Variants in LHFPL3 observed in about 807,000 individuals in gnomAD.
LHFPL3 encodes the protein LHFPL tetraspan subfamily member 3, also known as LHFPL tetraspan subfamily member 3 protein.
A neutral mutation model predicts 19.3 loss-of-function variants in LHFPL3; 5 were observed. The observed-to-expected ratio is 0.26, with a 90% CI of 0.14 to 0.54. LHFPL3 has a LOEUF of 0.54. LHFPL3 is among the 20% of genes least tolerant of loss of function. The probability of loss-of-function intolerance (pLI) is 0.94; values close to 1 mark genes in which losing one functional copy is unlikely to be tolerated. For synonymous variants in LHFPL3, 133 were observed against 126.2 expected (o/e 1.05, Z -0.36); for missense variants, 249 against 307.4 (o/e 0.81, Z 1.42).
chr7:104,759,121 GA>G (rs1274104738), intron 2 of LHFPL3, among the ~76,000 whole-genome samples: 2 of 152,186 alleles, frequency 1.3e-5, no homozygotes, highest in African/African-American at 4.8e-5. Flanking sequence ...GAGAAGATAA[GA>G]GTGGGCTGAT....
chr7:104,335,456 T>A (rs1023340548), intron 1 of LHFPL3, among the ~76,000 whole-genome samples: 1 of 152,222 alleles, frequency 6.6e-6, no homozygotes, highest in Non-Finnish European at 1.5e-5. Context: ...ATATGTAATG[T>A]GACAAGAAAT....
At chr7:104,614,100 G>A (rs980316762) in intron 1 of LHFPL3, among the ~76,000 whole-genome samples, 14 of 152,138 alleles carry the variant, frequency 9.2e-5, no homozygotes, top group African/African-American at 3.1e-4. Context: ...TTTCAAAAAG[G>A]CAGAGAATGT....
chr7:104,806,340 T>C (rs1034154794), intron 2 of LHFPL3, among the ~76,000 whole-genome samples: 18 of 152,262 alleles, frequency 1.2e-4, no homozygotes, highest in African/African-American at 4.1e-4. Context: ...AAACTCAATC[T>C]GTTAGGGGAA....
intron 2 of LHFPL3, chr7:104,895,494 A>G (rs1406394302): frequency 6.6e-6 from 1 of 152,308 alleles, no homozygotes; most frequent in African/African-American, 2.4e-5. Flanking sequence ...GCAGTGAGGT[A>G]GAGCAATAGC....
At chr7:104,365,552 C>T (rs1220328591) in intron 1 of LHFPL3, among the ~76,000 whole-genome samples, 2 of 150,462 alleles carry the variant, frequency 1.3e-5, no homozygotes, top group South Asian at 2.1e-4. Context: ...GAGGCCGAGG[C>T]GGGTGGATCA....
intron 1 of LHFPL3, among the ~76,000 whole-genome samples, chr7:104,473,695 T>C (rs1562908560): frequency 6.6e-6 from 1 of 152,224 alleles, no homozygotes; most frequent in Non-Finnish European, 1.5e-5. Flanking sequence ...CTCTATCTGA[T>C]GGGGCTGGTG....
At chr7:104,440,006 A>C (rs1257274802) in intron 1 of LHFPL3, among the ~76,000 whole-genome samples, 1 of 146,822 alleles carries the variant, frequency 6.8e-6, no homozygotes, top group East Asian at 2.0e-4. Flanking sequence ...TGAGTTTTAG[A>C]ATACAAGATT....
intron 1 of LHFPL3, among the ~76,000 whole-genome samples, chr7:104,401,555 A>G (rs1298590948): frequency 6.6e-6 from 1 of 152,230 alleles, no homozygotes; most frequent in Non-Finnish European, 1.5e-5. Flanking sequence ...AGAATTTGAA[A>G]GACTAAAGCA....
At chr7:104,575,837 C>G (rs74690911) in intron 1 of LHFPL3, among the ~76,000 whole-genome samples, 2,817 of 152,068 alleles carry the variant, frequency 0.019, 81 homozygotes, top group African/African-American at 0.065. Flanking sequence ...TATTAAGGAG[C>G]CTCCTTTCCT....
chr7:104,332,927 A>C (rs1801597726), intron 1 of LHFPL3, among the ~76,000 whole-genome samples: 1 of 133,740 alleles, frequency 7.5e-6, no homozygotes, highest in Non-Finnish European at 1.6e-5. Flanking sequence ...AATCTGTAGA[A>C]AGGCAATTTC....
At chr7:104,589,206 G>C (rs931329420) in intron 1 of LHFPL3, among the ~76,000 whole-genome samples, 16 of 152,258 alleles carry the variant, frequency 1.1e-4, no homozygotes, top group Admixed American at 8.5e-4. Context: ...CAAAGGGAAT[G>C]CTTCCAGTTT....
At chr7:104,603,124 TTCTTTCTTTTTTC>T (rs1359289728) in intron 1 of LHFPL3, among the ~76,000 whole-genome samples, 35 of 136,406 alleles carry the variant, frequency 2.6e-4, no homozygotes, top group African/African-American at 1.0e-3. Flanking sequence ...CTTTCTTTCT[TTCTTTCTTTTTTC>T]CCTTCCTTCC....
At chr7:104,465,864 G>A (rs757884185) in intron 1 of LHFPL3, among the ~76,000 whole-genome samples, 37 of 152,146 alleles carry the variant, frequency 2.4e-4, no homozygotes, top group Admixed American at 2.6e-4. Context: ...GTTTGATTCC[G>A]TTGTAATTGC....
At chr7:104,591,694 A>AT in intron 1 of LHFPL3, among the ~76,000 whole-genome samples, 2 of 152,278 alleles carry the variant, frequency 1.3e-5, no homozygotes, top group Middle Eastern at 6.8e-3. Flanking sequence ...CTCCTAGATA[A>AT]TGTCCTGAAG....
At chr7:104,430,626 G>T (rs1274161018) in intron 1 of LHFPL3, among the ~76,000 whole-genome samples, 1 of 149,482 alleles carries the variant, frequency 6.7e-6, no homozygotes, top group Admixed American at 6.7e-5. Flanking sequence ...CCGCCACAAT[G>T]CCTGGCTAAT....
chr7:104,487,260 A>C (rs1212255589), intron 1 of LHFPL3, among the ~76,000 whole-genome samples: 1 of 152,244 alleles, frequency 6.6e-6, no homozygotes, highest in Non-Finnish European at 1.5e-5. Context: ...ACTTCTAAAG[A>C]CCAAAATACT....
chr7:104,851,141 T>C (rs1054203875), intron 2 of LHFPL3, among the ~76,000 whole-genome samples: 3 of 152,252 alleles, frequency 2.0e-5, no homozygotes, highest in African/African-American at 7.2e-5. Context: ...CAGATGGGAT[T>C]GTAATGTTTA....
intron 2 of LHFPL3, among the ~76,000 whole-genome samples, chr7:104,871,665 A>AT (rs529574052): frequency 1.3e-4 from 19 of 150,232 alleles, no homozygotes; most frequent in African/African-American, 3.7e-4. Context: ...ACCAAAAATA[A>AT]TTTTTTTTTT....
intron 2 of LHFPL3, among the ~76,000 whole-genome samples, chr7:104,878,364 G>C (rs1791987962): frequency 6.6e-6 from 1 of 151,746 alleles, no homozygotes; most frequent in Non-Finnish European, 1.5e-5. Flanking sequence ...GTGTCTCCGT[G>C]TCACATTTCT....
Sources: allele counts gnomAD v4.1 joint callset (sites outside exome capture counted in the v4.1 genomes callset), GRCh38; gene constraint gnomAD v4.1.1; transcripts MANE v1.5; gene names NCBI Gene and HGNC (gene_info 2026-07-23, HGNC 2026-07-21).